QSOX1: variants seen among roughly 807,000 people sequenced by gnomAD.
QSOX1 encodes quiescin sulfhydryl oxidase 1, also known as sulfhydryl oxidase 1.
QSOX1 carries 40 observed loss-of-function variants against 76.1 expected under a neutral mutation model. The observed-to-expected ratio is 0.53, with a 90% CI of 0.41 to 0.68. The LOEUF (loss-of-function observed/expected upper bound fraction) is 0.68, where lower values mean the gene tolerates loss of function less well. QSOX1 is among the 30% of genes least tolerant of loss of function. The pLI is 0.00. For missense variants in QSOX1, 931 were observed against 974.3 expected, an observed-to-expected ratio of 0.96 and a Z score of 0.59; for synonymous variants, 392 against 413.1, an observed-to-expected ratio of 0.95 and a Z score of 0.62.
chr1:180,186,878 G>T (rs995769758), intron 8 of QSOX1, among the ~76,000 whole-genome samples: 3 of 152,246 alleles, frequency 2.0e-5, no homozygotes, highest in African/African-American at 4.8e-5. Flanking sequence ...CTCTCTGAAG[G>T]TGAGAGGTGG....
At chr1:180,176,356 A>G (rs1422980484) in intron 4 of QSOX1, among the ~76,000 whole-genome samples, 1 of 152,182 alleles carries the variant, frequency 6.6e-6, no homozygotes, top group East Asian at 1.9e-4. Context: ...GTTTCTTGCT[A>G]CCTTCCCTCA....
rs1663062219 is a variant in QSOX1 at position 180,182,363 on chromosome 1, G to A, written c.752+44G>A. ...GGCGTCCCCTCTCGTCCCTCCCTGT[G>A]CTCATCCTTCCTTCTTGCCCAGAGG... On this transcript the variant is annotated intron_variant, in intron 6 of 11. Coordinates refer to ENST00000367602, the MANE Select transcript of QSOX1 (RefSeq NM_002826.5). 3.7e-6 allele frequency: 6 copies of A among 1,608,856 alleles called. No individual in the cohort carries two copies. The Admixed American group carries it at 1.0e-4, about 27-fold the overall frequency.
intron 11 of QSOX1, among the ~76,000 whole-genome samples, chr1:180,195,984 A>G (rs1558194600): frequency 1.3e-5 from 2 of 152,146 alleles, no homozygotes; most frequent in Admixed American, 1.3e-4. Flanking sequence ...AACACCGGGA[A>G]ATGACTGAGA....
At chr1:180,165,868 G>T (rs530388483) in intron 1 of QSOX1, among the ~76,000 whole-genome samples, 2 of 151,294 alleles carry the variant, frequency 1.3e-5, no homozygotes, top group East Asian at 3.9e-4. Flanking sequence ...CAGCCTTGTG[G>T]CCCGGGGCCT....
At chr1:180,178,408 A>C (rs1662949076) in intron 4 of QSOX1, among the ~76,000 whole-genome samples, 1 of 152,218 alleles carries the variant, frequency 6.6e-6, no homozygotes, top group Admixed American at 6.5e-5. Flanking sequence ...TTGTATTTTT[A>C]GTAGAGACGG....
intron 8 of QSOX1, 37 bp from the exon 9 acceptor site, chr1:180,189,514 CT>C: frequency 1.5e-6 from 2 of 1,362,808 alleles, no homozygotes; most frequent in Non-Finnish European, 2.0e-6. Flanking sequence ...TGGGGAATTG[CT>C]TTTCACTCTC....
intron 10 of QSOX1, among the ~76,000 whole-genome samples, 180 bp downstream of exon 10, chr1:180,190,760 G>A (rs554413335): frequency 6.4e-4 from 98 of 152,212 alleles, no homozygotes; most frequent in Middle Eastern, 3.4e-3. Context: ...AGCCCCACAC[G>A]GCCAGAATAG....
Position 180,196,515 on chromosome 1 carries a change from G to C in QSOX1, c.1722G>C (p.Arg574=), listed in dbSNP as rs1336435202. The C allele has an allele frequency of 1.2e-6, 2 of 1,614,004 alleles. No individual in the cohort carries two copies. The highest frequency in any genetic ancestry group is 1.7e-5 in the Admixed American group (1 of 60,000). The change falls in exon 12 of 12, where the codon CGG becomes CGC. Residue 574 remains arginine (R), a synonymous_variant. Coordinates refer to ENST00000367602, the MANE Select transcript of QSOX1 (RefSeq NM_002826.5). The surrounding 1 kb of genome is among the most constrained non-coding windows in gnomAD (Gnocchi z 4.1). ...TGGGAGCCCTGGAGCTGGAAAGCCG[G>C]AATTCAACTCTGGACCCTGGGAAGC... ...LAMGALELES[R]NSTLDPGKPE...
rs1470664414 is a variant in QSOX1, at chr1:180,175,357, G to A, written c.403G>A (p.Val135Ile). Reference protein sequence around the residue: ...KAFTKNGSGAVFPVAGADVQT... With the variant: ...KAFTKNGSGAIFPVAGADVQT... The stretch of plus-strand genomic sequence containing the variant: ...CTTTACCAAGAACGGCTCGGGAGCA[G>A]TATTTCCAGGTGGGTGCCCAGCTCT... The change falls in exon 3 of 12, where the codon GTA (valine) becomes ATA (isoleucine). Residue 135 changes from valine (V) to isoleucine (I), a missense_variant. Coordinates refer to ENST00000367602, the MANE Select transcript of QSOX1 (RefSeq NM_002826.5). 1.2e-6 allele frequency: 2 copies of A among 1,613,780 alleles called. No homozygotes were observed. The highest frequency in any genetic ancestry group is 1.7e-4 in the Middle Eastern group (1 of 5,944).
chr1:180,158,507 C>T (rs776377903), intron 1 of QSOX1, among the ~76,000 whole-genome samples: 10 of 152,112 alleles, frequency 6.6e-5, no homozygotes, highest in Non-Finnish European at 1.2e-4. Flanking sequence ...TGACTCAGAC[C>T]GGGGGTGTCA....
chr1:180,163,208 C>T (rs959336861), intron 1 of QSOX1, among the ~76,000 whole-genome samples: 5 of 151,822 alleles, frequency 3.3e-5, no homozygotes, highest in African/African-American at 1.2e-4. Flanking sequence ...TCACAACTTC[C>T]TTGTATCCAT....
At chr1:180,158,758 G>C (rs1487162414) in intron 1 of QSOX1, among the ~76,000 whole-genome samples, 1 of 152,090 alleles carries the variant, frequency 6.6e-6, no homozygotes, top group Middle Eastern at 3.2e-3. Flanking sequence ...TTGGTGGTTT[G>C]GGTAAATCTG....
chr1:180,196,884 G>T lies in QSOX1; in HGVS notation c.2091G>T (p.Trp697Cys). 1 of 1,593,648 alleles carries T rather than the reference G, an allele frequency of 6.3e-7. No individual in the cohort carries two copies. Among genetic ancestry groups the T allele is most frequent in the Non-Finnish European group, 8.6e-7 (1 of 1,167,636 alleles). The change falls in exon 12 of 12, where the codon TGG becomes TGT. Residue 697 changes from tryptophan (W) to cysteine (C), a missense_variant. Coordinates refer to ENST00000367602, the MANE Select transcript of QSOX1 (RefSeq NM_002826.5). This position sits in a 1 kb window ranked among gnomAD's most constrained non-coding sequence, Gnocchi z 4.1. Reference sequence around the variant, plus strand: ...GAGCTGGACGGGGCCGAGGCCAGTGGCTGCAGGTGCTGGGAGGGGGCTTCT... The same window carrying T: ...GAGCTGGACGGGGCCGAGGCCAGTGTCTGCAGGTGCTGGGAGGGGGCTTCT... ...EARAGRGRGQWLQVLGGGFSY... is the reference protein window; with the variant it reads ...EARAGRGRGQCLQVLGGGFSY...
At chr1:180,155,742 C>T (rs1662362996) in intron 1 of QSOX1, among the ~76,000 whole-genome samples, 2 of 152,208 alleles carry the variant, frequency 1.3e-5, no homozygotes, top group Non-Finnish European at 2.9e-5. Flanking sequence ...GTATGTCCAC[C>T]TGGCAGTTTT....
intron 2 of QSOX1, among the ~76,000 whole-genome samples, chr1:180,168,534 A>G (rs1662686883): frequency 6.6e-6 from 1 of 152,216 alleles, no homozygotes; most frequent in African/African-American, 2.4e-5. Context: ...ATAGTTTCTT[A>G]CTGTGACCAA....
chr1:180,195,742 G>T (rs990383446), intron 11 of QSOX1, among the ~76,000 whole-genome samples: 4 of 152,244 alleles, frequency 2.6e-5, no homozygotes, highest in African/African-American at 9.6e-5. Context: ...GGATTGCCAT[G>T]AGCAGCTGCC....
intron 1 of QSOX1, among the ~76,000 whole-genome samples, chr1:180,157,527 CAG>C (rs894918008): frequency 2.6e-5 from 4 of 152,190 alleles, no homozygotes; most frequent in Non-Finnish European, 5.9e-5. Context: ...GGAACAGAGA[CAG>C]AGTGAAGGTC....
chr1:180,178,999 C>A lies in QSOX1; in HGVS notation c.606+115C>A, dbSNP rs536180394. 34 of 920,814 alleles carry A rather than the reference C, an allele frequency of 3.7e-5. No individual in the cohort carries two copies. The South Asian group carries it at 4.6e-4, about 12-fold the overall frequency. 57.0% of individuals were successfully genotyped at this position (920,814 alleles called of 1,614,324 possible). A position where few individuals can be genotyped will look rare whatever the true frequency, so the allele number is the denominator to read the frequency against. On this transcript the variant is annotated intron_variant, in intron 5 of 11. Transcript: ENST00000367602. Reference sequence around the variant, plus strand: ...GGTCTTGGCTGCCTGGGTCTTTTAGCCTGGCATTGGCCTGACCCCTGCTGG... The same window carrying A: ...GGTCTTGGCTGCCTGGGTCTTTTAGACTGGCATTGGCCTGACCCCTGCTGG...
rs937498536 is a variant in QSOX1 at position 180,178,926 on chromosome 1, G to A, written c.606+42G>A. The A allele has an allele frequency of 4.5e-6, 7 of 1,553,316 alleles. No individual in the cohort carries two copies. In the African/African-American group the frequency reaches 8.1e-5, roughly 18 times the overall value. ...TTCCCTGCAATTCTTGGATAGCCAT[G>A]GAGAGAGAGCCCCAGTTTGGGAGCA... On this transcript the variant is annotated intron_variant, in intron 5 of 11. Coordinates refer to ENST00000367602, the MANE Select transcript of QSOX1 (RefSeq NM_002826.5).
Sources: gnomAD v4.1 joint callset for allele counts (sites outside exome capture counted in the v4.1 genomes callset) on GRCh38, gnomAD v4.1.1 for gene constraint, Gnocchi (gnomAD v3.1) non-coding constraint, MANE v1.5 for transcripts, NCBI Gene and HGNC (gene_info 2026-07-23, HGNC 2026-07-21) for gene names.